Variants in APBA1 observed in about 807,000 individuals in gnomAD.
The protein encoded by APBA1 is amyloid-beta A4 precursor protein-binding family A member 1.
A neutral mutation model predicts 86.6 loss-of-function variants in APBA1; 55 were observed. That is an observed-to-expected ratio of 0.64 (90% CI 0.51 to 0.80). APBA1 has a LOEUF of 0.80. Among genes scored for constraint, APBA1 ranks in the 30% least tolerant of loss-of-function variants. The pLI, the probability that APBA1 is intolerant of heterozygous loss-of-function variation, is 0.00. For missense variants in APBA1, 1,090 were observed against 1,183.0 expected (o/e 0.92, Z 1.15); for synonymous variants, 511 against 493.9 (o/e 1.03, Z -0.46).
At chr9:69,597,605 G>A (rs1312596099) in intron 1 of APBA1, among the ~76,000 whole-genome samples, 1 of 152,194 alleles carries the variant, frequency 6.6e-6, no homozygotes, top group Non-Finnish European at 1.5e-5. Flanking sequence ...TGTCTTGAAT[G>A]GTAATGCCTA....
intron 1 of APBA1, among the ~76,000 whole-genome samples, chr9:69,564,629 C>T (rs929113931): frequency 3.3e-5 from 5 of 152,176 alleles, no homozygotes; most frequent in African/African-American, 7.2e-5. Context: ...GGAGACATCA[C>T]TTCACACCCA....
intron 1 of APBA1, among the ~76,000 whole-genome samples, chr9:69,562,861 T>A (rs1051989870): frequency 2.6e-5 from 4 of 152,154 alleles, no homozygotes; most frequent in African/African-American, 9.7e-5. Flanking sequence ...GATTTAAAAA[T>A]AAGGAAGTTA....
At chr9:69,671,516 A>C (rs1197455145) in intron 1 of APBA1, among the ~76,000 whole-genome samples, 2 of 152,204 alleles carry the variant, frequency 1.3e-5, no homozygotes, top group Non-Finnish European at 2.9e-5. Flanking sequence ...CAGGGTCAAA[A>C]TAACAAACAC....
chr9:69,477,386 C>T (rs1355537509), intron 2 of APBA1, among the ~76,000 whole-genome samples: 7 of 150,254 alleles, frequency 4.7e-5, no homozygotes, highest in Admixed American at 6.7e-5. Flanking sequence ...TCGGGTCACT[C>T]CCACCCGAAT....
At chr9:69,511,077 C>T (rs1170651494) in intron 2 of APBA1, among the ~76,000 whole-genome samples, 1 of 152,054 alleles carries the variant, frequency 6.6e-6, no homozygotes, top group Non-Finnish European at 1.5e-5. Flanking sequence ...CAAATGGGAT[C>T]TAATTAAACT....
At chr9:69,662,021 AACACACACACACACACAC>A (rs3069250) in intron 1 of APBA1, among the ~76,000 whole-genome samples, 1 of 146,648 alleles carries the variant, frequency 6.8e-6, no homozygotes, top group Non-Finnish European at 1.5e-5. Flanking sequence ...GACAAACAGT[AACACACACACACACACAC>A]ACACACACAC....
At chr9:69,666,513 CTG>C (rs1823843171) in intron 1 of APBA1, among the ~76,000 whole-genome samples, 1 of 151,930 alleles carries the variant, frequency 6.6e-6, no homozygotes, top group Admixed American at 6.6e-5. Flanking sequence ...ACTAAAAGTT[CTG>C]TGATATTAAG....
intron 4 of APBA1, among the ~76,000 whole-genome samples, chr9:69,470,487 C>T (rs562044990): frequency 4.6e-5 from 7 of 152,250 alleles, no homozygotes; most frequent in African/African-American, 1.7e-4. Flanking sequence ...GAAAACTTCC[C>T]AGAATGCTCT....
At chr9:69,647,741 C>A (rs1350791127) in intron 1 of APBA1, among the ~76,000 whole-genome samples, 2 of 152,186 alleles carry the variant, frequency 1.3e-5, no homozygotes, top group African/African-American at 2.4e-5. Flanking sequence ...AAGACATGAG[C>A]ACACAAAGAC....
chr9:69,642,265 C>T (rs1823302078), intron 1 of APBA1, among the ~76,000 whole-genome samples: 1 of 152,114 alleles, frequency 6.6e-6, no homozygotes, highest in Non-Finnish European at 1.5e-5. Context: ...CCTTACAACT[C>T]AATAAGATGA....
chr9:69,523,884 T>C (rs911371780), intron 1 of APBA1, among the ~76,000 whole-genome samples: 1 of 152,172 alleles, frequency 6.6e-6, no homozygotes, highest in East Asian at 1.9e-4. Flanking sequence ...ATACCAGCCA[T>C]ATTCTTGGAT....
intron 1 of APBA1, among the ~76,000 whole-genome samples, chr9:69,566,371 G>T (rs1837026707): frequency 6.6e-6 from 1 of 152,090 alleles, no homozygotes; most frequent in African/African-American, 2.4e-5. Context: ...TTTGTAGGTG[G>T]GTTTCTACAC....
At chr9:69,569,921 G>T (rs1837089170) in intron 1 of APBA1, among the ~76,000 whole-genome samples, 1 of 152,162 alleles carries the variant, frequency 6.6e-6, no homozygotes, top group Non-Finnish European at 1.5e-5. Context: ...CTTCATTGTG[G>T]GTGAGTAACA....
chr9:69,655,889 G>C (rs1823598715), intron 1 of APBA1, among the ~76,000 whole-genome samples: 1 of 152,178 alleles, frequency 6.6e-6, no homozygotes, highest in Non-Finnish European at 1.5e-5. Context: ...AAGTAGAAAA[G>C]AGGATCTTGA....
chr9:69,656,180 A>C (rs1588414865), intron 1 of APBA1, among the ~76,000 whole-genome samples: 1 of 152,246 alleles, frequency 6.6e-6, no homozygotes, highest in East Asian at 1.9e-4. Flanking sequence ...TTGGGAGTAT[A>C]AATTGGACAA....
intron 5 of APBA1, chr9:69,460,601 T>A (rs1369996314): frequency 6.6e-6 from 1 of 152,114 alleles, no homozygotes; most frequent in East Asian, 1.9e-4. Flanking sequence ...GGAACCGATT[T>A]GAAATAACTC....
intron 1 of APBA1, among the ~76,000 whole-genome samples, chr9:69,666,314 G>A (rs1342134049): frequency 6.6e-6 from 1 of 151,798 alleles, no homozygotes; most frequent in Non-Finnish European, 1.5e-5. Context: ...ATATCTGCAG[G>A]GCTCACTACT....
At chr9:69,568,572 T>G (rs533039167) in intron 1 of APBA1, among the ~76,000 whole-genome samples, 1 of 152,274 alleles carries the variant, frequency 6.6e-6, no homozygotes, top group Non-Finnish European at 1.5e-5. Flanking sequence ...TTCCAGCTCC[T>G]CTCATTTTCA....
At chr9:69,589,628 T>TG (rs1204983439) in intron 1 of APBA1, among the ~76,000 whole-genome samples, 1 of 152,136 alleles carries the variant, frequency 6.6e-6, no homozygotes, top group Admixed American at 6.5e-5. Context: ...TTCAGGTTAT[T>TG]GGGGTAGTCT....
Sources: allele counts gnomAD v4.1 joint callset (sites outside exome capture counted in the v4.1 genomes callset), GRCh38; gene constraint gnomAD v4.1.1; transcripts MANE v1.5; gene names NCBI Gene and HGNC (gene_info 2026-07-23, HGNC 2026-07-21).